The following MAST4 variants were observed in gnomAD, a reference collection of about 807,000 sequenced individuals.
MAST4 encodes microtubule-associated serine/threonine-protein kinase 4.
MAST4 carries 89 observed loss-of-function variants against 162.7 expected under a neutral mutation model. The observed-to-expected ratio is 0.55, with a 90% confidence interval of 0.46 to 0.65. MAST4 has a LOEUF of 0.65. Ranked by LOEUF, MAST4 falls within the 30% of genes least tolerant of loss-of-function variation. The pLI is 0.00. For missense variants in MAST4, 3,153 were observed against 3,374.0 expected, an observed-to-expected ratio of 0.93 and a Z score of 1.62; for synonymous variants, 1,479 against 1,361.1, an observed-to-expected ratio of 1.09 and a Z score of -1.91.
At chr5:67,099,235 G>C (rs1048296356) in intron 7 of MAST4, among the ~76,000 whole-genome samples, 4 of 151,392 alleles carry the variant, frequency 2.6e-5, no homozygotes, top group African/African-American at 9.7e-5. Context: ...TTTTTTCTTA[G>C]TGAGAAGTGT....
chr5:67,086,094 A>G (rs1248860212), intron 5 of MAST4, among the ~76,000 whole-genome samples: 1 of 152,188 alleles, frequency 6.6e-6, no homozygotes, highest in African/African-American at 2.4e-5. Flanking sequence ...AAATGTCACA[A>G]CTCATTTAAG....
chr5:67,160,306 G>T, intron 26 of MAST4, 150 bp from the exon 27 acceptor site: 1 of 797,886 alleles, frequency 1.3e-6, no homozygotes, highest in South Asian at 2.9e-5. Flanking sequence ...ATTCTGGCAG[G>T]ACTTCTTTGA....
intron 4 of MAST4, among the ~76,000 whole-genome samples, chr5:67,004,296 C>T (rs1751681763): frequency 6.6e-6 from 1 of 152,142 alleles, no homozygotes. Context: ...GCTGGGGGCG[C>T]GGCCACCAAG....
intron 3 of MAST4, among the ~76,000 whole-genome samples, chr5:66,842,725 A>G (rs574719169): frequency 4.6e-5 from 7 of 152,304 alleles, no homozygotes; most frequent in Non-Finnish European, 8.8e-5. Flanking sequence ...ATGAGAGTCT[A>G]TACATTTGAC....
chr5:66,601,355 G>A (rs966196559), intron 1 of MAST4, among the ~76,000 whole-genome samples: 5 of 152,176 alleles, frequency 3.3e-5, no homozygotes, highest in Admixed American at 6.5e-5. Context: ...CTGAGACATC[G>A]TCCTGGGCAC....
intron 4 of MAST4, among the ~76,000 whole-genome samples, chr5:67,043,759 C>T (rs957742712): frequency 1.3e-5 from 2 of 152,154 alleles, no homozygotes; most frequent in Non-Finnish European, 1.5e-5. Flanking sequence ...ATCTTCCCTA[C>T]CCCCAGCACA....
chr5:66,878,092 G>A (rs1046984017), intron 3 of MAST4, among the ~76,000 whole-genome samples: 1 of 152,196 alleles, frequency 6.6e-6, no homozygotes, highest in African/African-American at 2.4e-5. Flanking sequence ...AAAGGATAAA[G>A]CAGTTTGAGC....
At chr5:67,103,021 T>C (rs1231332532) in intron 9 of MAST4, among the ~76,000 whole-genome samples, 3 of 152,204 alleles carry the variant, frequency 2.0e-5, no homozygotes, top group Non-Finnish European at 2.9e-5. Context: ...AGAGTTGCTG[T>C]TGTTGTTGTT....
intron 1 of MAST4, among the ~76,000 whole-genome samples, chr5:66,612,338 C>A (rs1294324688): frequency 1.3e-5 from 2 of 152,174 alleles, no homozygotes; most frequent in Admixed American, 6.5e-5. Context: ...CTTTGCACTG[C>A]TTCACATAAC....
intron 1 of MAST4, among the ~76,000 whole-genome samples, chr5:66,609,196 T>A (rs1253366625): frequency 6.6e-6 from 1 of 152,008 alleles, no homozygotes; most frequent in Non-Finnish European, 1.5e-5. Context: ...ATCACTCCTG[T>A]GTCCTAGACC....
At chr5:66,847,935 A>G (rs962274900) in intron 3 of MAST4, among the ~76,000 whole-genome samples, 5 of 151,914 alleles carry the variant, frequency 3.3e-5, no homozygotes, top group African/African-American at 9.7e-5. Flanking sequence ...TGAGGCCAAG[A>G]CTTGGAAAGA....
At chr5:66,735,966 C>G (rs1250258882) in intron 1 of MAST4, among the ~76,000 whole-genome samples, 3 of 152,166 alleles carry the variant, frequency 2.0e-5, no homozygotes, top group Non-Finnish European at 4.4e-5. Flanking sequence ...TCCATTATTG[C>G]TACAAGATAG....
intron 3 of MAST4, among the ~76,000 whole-genome samples, chr5:66,877,758 G>A (rs1409155523): frequency 1.3e-5 from 2 of 152,118 alleles, no homozygotes; most frequent in Admixed American, 1.3e-4. Context: ...ACAAGATCAA[G>A]CAACACAGAA....
intron 27 of MAST4, 142 bp from the exon 28 acceptor site, chr5:67,162,465 A>T: frequency 3.1e-6 from 2 of 648,600 alleles, no homozygotes; most frequent in Non-Finnish European, 2.6e-6. Flanking sequence ...CTAATAGGAA[A>T]GTGGTGTTCT....
intron 4 of MAST4, among the ~76,000 whole-genome samples, chr5:66,957,585 G>T (rs1745472015): frequency 6.6e-6 from 1 of 151,984 alleles, no homozygotes; most frequent in African/African-American, 2.4e-5. Context: ...CAAAGGATAA[G>T]AGGATTGGTT....
rs189408356 is a variant in MAST4, at chr5:66,958,827, C to T, written c.674+58845C>T. 2.8e-3 allele frequency: 475 copies of T among 168,176 alleles called. 3 individuals are homozygous for T. Among genetic ancestry groups the T allele is most frequent in the South Asian group, 6.0e-3 (36 of 6,050 alleles). The allele number at this position is 168,176 out of a possible 1,614,324, so 10.4% of individuals were successfully genotyped here. ...TCACAGGGAGGTGGGGAATAGTTGA[C>T]GTGTGCTGAGATAAACTCTTTTACA... On this transcript the variant is annotated intron_variant, in intron 4 of 28. Transcript: ENST00000403625.
chr5:67,010,998 C>G (rs1752603646), intron 4 of MAST4, among the ~76,000 whole-genome samples: 1 of 152,186 alleles, frequency 6.6e-6, no homozygotes, highest in Non-Finnish European at 1.5e-5. Flanking sequence ...CTCCCTGAAT[C>G]ATATCCCCTT....
At chr5:66,756,283 A>G (rs1015048989) in intron 1 of MAST4, among the ~76,000 whole-genome samples, 7 of 152,200 alleles carry the variant, frequency 4.6e-5, no homozygotes, top group Admixed American at 2.0e-4. Context: ...AGTATTTACT[A>G]TTGGTGCATG....
chr5:66,647,560 A>G (rs1043064367), intron 1 of MAST4, among the ~76,000 whole-genome samples: 5 of 137,328 alleles, frequency 3.6e-5, no homozygotes, highest in Non-Finnish European at 8.1e-5. Context: ...ATTTCAAATA[A>G]GGAAAAAAAA....
Sources: allele counts gnomAD v4.1 joint callset (sites outside exome capture counted in the v4.1 genomes callset), GRCh38; gene constraint gnomAD v4.1.1; transcripts MANE v1.5; gene names NCBI Gene and HGNC (gene_info 2026-07-23, HGNC 2026-07-21).